MAP3K7CL: variants seen among roughly 807,000 people sequenced by gnomAD.
MAP3K7CL encodes the protein MAP3K7 C-terminal like, also known as MAP3K7 C-terminal-like protein.
In MAP3K7CL, 16 loss-of-function variants were observed where a neutral mutation model predicts 18.6. The observed-to-expected ratio is 0.86, with a 90% CI of 0.58 to 1.31. The LOEUF (loss-of-function observed/expected upper bound fraction) is 1.31. Ranked by LOEUF, MAP3K7CL falls within the 50% of genes most tolerant of loss-of-function variation. The pLI, the probability that MAP3K7CL is intolerant of heterozygous loss-of-function variation, is 0.00. For synonymous variants in MAP3K7CL, 65 were observed against 66.8 expected (o/e 0.97, Z 0.13); for missense variants, 163 against 174.4 (o/e 0.93, Z 0.37).
At chr21:29,092,108 G>GT (rs1293762152) in intron 3 of MAP3K7CL, 1 of 368,476 alleles carries the variant, frequency 2.7e-6, no homozygotes, top group Non-Finnish European at 4.9e-6. Flanking sequence ...AATTTAAGAT[G>GT]TTGGTAAAGG....
intron 1 of MAP3K7CL, among the ~76,000 whole-genome samples, chr21:29,089,530 C>T (rs1387547045): frequency 6.6e-6 from 1 of 152,174 alleles, no homozygotes. Flanking sequence ...GAAGGTAACC[C>T]TTTCCTAAGT....
At chr21:29,132,943 T>A (rs2086806912) in intron 1 of MAP3K7CL, among the ~76,000 whole-genome samples, 1 of 152,216 alleles carries the variant, frequency 6.6e-6, no homozygotes, top group Admixed American at 6.5e-5. Flanking sequence ...TTATTAAGAC[T>A]ATATCTCTTT....
chr21:29,083,665 C>A (rs562834923), upstream of MAP3K7CL, among the ~76,000 whole-genome samples: 1 of 152,146 alleles, frequency 6.6e-6, no homozygotes, highest in African/African-American at 2.4e-5. Flanking sequence ...TCTACCAACT[C>A]TACAGGGCTC....
At chr21:29,099,952 G>A (rs1308342459) in intron 4 of MAP3K7CL, among the ~76,000 whole-genome samples, 2 of 151,924 alleles carry the variant, frequency 1.3e-5, no homozygotes, top group Non-Finnish European at 2.9e-5. Flanking sequence ...GCGTGGTGGC[G>A]GGCGCCTGTA....
chr21:29,091,800 C>T, intron 3 of MAP3K7CL: 1 of 699,138 alleles, frequency 1.4e-6, no homozygotes, highest in South Asian at 1.5e-5. Flanking sequence ...TTCTCAAATA[C>T]ATGATAGTAA....
In MAP3K7CL at chr21:29,124,383, CAT is replaced by C. The variant is rs1491224589; in HGVS notation, c.371-24805_371-24804del. Among the ~76,000 whole-genome samples, 22 of 143,070 alleles carry C rather than the reference CAT, an allele frequency of 1.5e-4. No individual in the cohort carries two copies. In the East Asian group the frequency reaches 1.8e-3, roughly 12 times the overall value. The allele number at this position is 143,070 out of a possible 152,430, so 93.9% of individuals were successfully genotyped here. ...AAAAAAAAAAAAAAAAAAAAGAACA[CAT>C]GTGTCACATTTAATTAACTTTAAAT... On this transcript the variant is annotated intron_variant, in intron 4 of 6. Transcript: ENST00000286791.
At chr21:29,113,584 G>A (rs554641272) in intron 4 of MAP3K7CL, among the ~76,000 whole-genome samples, 1 of 152,170 alleles carries the variant, frequency 6.6e-6, no homozygotes, top group Non-Finnish European at 1.5e-5. Flanking sequence ...GGAGTGCAGT[G>A]GCACAATCTC....
intron 3 of MAP3K7CL, among the ~76,000 whole-genome samples, chr21:29,154,792 T>A (rs2087360423): frequency 6.6e-6 from 1 of 152,236 alleles, no homozygotes; most frequent in South Asian, 2.1e-4. Context: ...ATACACACAT[T>A]GAAAAGTATT....
chr21:29,155,357 G>T (rs1246721717), intron 3 of MAP3K7CL, among the ~76,000 whole-genome samples: 1 of 152,320 alleles, frequency 6.6e-6, no homozygotes, highest in African/African-American at 2.4e-5. Flanking sequence ...AGCTGGGATA[G>T]GAAAATTAAA....
chr21:29,083,567 T>G (rs1181993191), upstream of MAP3K7CL, among the ~76,000 whole-genome samples: 1 of 70,124 alleles, frequency 1.4e-5, no homozygotes, highest in African/African-American at 1.8e-4. Context: ...AACCATGGTT[T>G]TTATATTTTA....
intron 4 of MAP3K7CL, chr21:29,102,443 ATCAAGACTGACTTGATTCTCTCTCTC>A (rs2086246414): frequency 6.6e-6 from 1 of 151,102 alleles, no homozygotes; most frequent in South Asian, 2.1e-4. Context: ...TGGCCAAGAT[ATCAAGACTGACTTGATTCTCTCTCTC>A]TCTCTCTCTT....
Position 29,159,935 on chromosome 21 carries a change from G to T in MAP3K7CL, c.133-6G>T, listed in dbSNP as rs763552463. On this transcript the variant is annotated splice_polypyrimidine_tract_variant and splice_region_variant and intron_variant, in intron 3 of 4. Transcript: ENST00000399928. Reference sequence around the variant, plus strand: ...ATGGACTAATTTCTTCTTGTTGTTTGTGAAGCCCCTGCCGCCTTGTCATGA... The same window carrying T: ...ATGGACTAATTTCTTCTTGTTGTTTTTGAAGCCCCTGCCGCCTTGTCATGA... 1.9e-6 allele frequency: 3 copies of T among 1,609,958 alleles called. No individual in the cohort carries two copies. Among genetic ancestry groups the T allele is most frequent in the Admixed American group, 3.4e-5 (2 of 59,696 alleles).
intron 4 of MAP3K7CL, among the ~76,000 whole-genome samples, chr21:29,171,918 G>C (rs1251777848): frequency 6.6e-6 from 1 of 151,494 alleles, no homozygotes; most frequent in East Asian, 1.9e-4. Flanking sequence ...CAGTACTGGG[G>C]TTTTCTTTCT....
Position 29,155,147 on chromosome 21 carries a change from A to T in MAP3K7CL, c.133-4794A>T, listed in dbSNP as rs959072583. Among the ~76,000 whole-genome samples the T allele has an allele frequency of 2.6e-5, 4 of 152,326 alleles. No individual in the cohort carries two copies. In the East Asian group the frequency reaches 7.7e-4, roughly 29 times the overall value. ...GATAATAGAGTTCTTAAATATCGAAATCAGCATGGACTGTGTTTTTCCTCT... is the reference window on the plus strand; with the variant it reads ...GATAATAGAGTTCTTAAATATCGAATTCAGCATGGACTGTGTTTTTCCTCT... On this transcript the variant is annotated intron_variant, in intron 3 of 4. Transcript: ENST00000399928.
At chr21:29,077,898 C>T (rs1327585688) in intron 1 of MAP3K7CL, among the ~76,000 whole-genome samples, 1 of 152,200 alleles carries the variant, frequency 6.6e-6, no homozygotes, top group Non-Finnish European at 1.5e-5. Flanking sequence ...CCTCCAGCCT[C>T]CAGGAGAGCT....
At chr21:29,172,436 C>T (rs1267572553) in intron 4 of MAP3K7CL, among the ~76,000 whole-genome samples, 1 of 152,134 alleles carries the variant, frequency 6.6e-6, no homozygotes, top group Non-Finnish European at 1.5e-5. Context: ...CTATTTATCT[C>T]ATGACTAGCA....
chr21:29,094,484 C>A (rs896775932), intron 4 of MAP3K7CL, among the ~76,000 whole-genome samples: 3 of 152,230 alleles, frequency 2.0e-5, no homozygotes, highest in African/African-American at 7.2e-5. Flanking sequence ...CCAGACATTG[C>A]TCTTTGAGAA....
At chr21:29,136,821 C>T (rs947133127) in intron 2 of MAP3K7CL, among the ~76,000 whole-genome samples, 27 of 152,188 alleles carry the variant, frequency 1.8e-4, no homozygotes, top group African/African-American at 5.5e-4. Context: ...ACACCTGGCC[C>T]GACATGTTCA....
chr21:29,144,806 C>T (rs2832214), intron 2 of MAP3K7CL, among the ~76,000 whole-genome samples: 48,710 of 152,044 alleles, frequency 0.32, 7,956 homozygotes, highest in Non-Finnish European at 0.35. Context: ...TATGGAGAAA[C>T]ACAGAGAAGA....
Sources: gnomAD v4.1 joint callset for allele counts (sites outside exome capture counted in the v4.1 genomes callset) on GRCh38, gnomAD v4.1.1 for gene constraint, MANE v1.5 for transcripts, NCBI Gene and HGNC (gene_info 2026-07-23, HGNC 2026-07-21) for gene names.